SHISA9: variants seen among roughly 807,000 people sequenced by gnomAD.
SHISA9 encodes the protein protein shisa-9.
A neutral mutation model predicts 38.0 loss-of-function variants in SHISA9; 13 were observed. That is an observed-to-expected ratio of 0.34 (90% CI 0.22 to 0.54). The LOEUF is 0.54. Among genes scored for constraint, SHISA9 ranks in the 20% least tolerant of loss-of-function variants. The pLI is 0.91. For missense variants in SHISA9, 538 were observed against 575.8 expected (o/e 0.93, Z 0.67); for synonymous variants, 275 against 242.0 (o/e 1.14, Z -1.27).
the SHISA9 span, among the ~76,000 whole-genome samples, chr16:13,504,315 C>T: frequency 1.3e-5 from 2 of 152,036 alleles, no homozygotes; most frequent in African/African-American, 4.8e-5. Context: ...ACCATTTATG[C>T]GTCATTTAAC....
the SHISA9 span, among the ~76,000 whole-genome samples, chr16:13,547,620 A>G: frequency 8.4e-4 from 128 of 152,252 alleles, no homozygotes; most frequent in African/African-American, 2.9e-3. Context: ...AATGGTTTGG[A>G]TCATGCTAAC....
intron 4 of SHISA9, among the ~76,000 whole-genome samples, chr16:13,227,695 C>T (rs966418186): frequency 1.3e-5 from 2 of 152,192 alleles, no homozygotes; most frequent in Non-Finnish European, 2.9e-5. Flanking sequence ...AAAATAGGTT[C>T]AAATCCCAGC....
the SHISA9 span, among the ~76,000 whole-genome samples, chr16:13,313,091 T>TA: frequency 6.6e-6 from 1 of 150,620 alleles, no homozygotes; most frequent in East Asian, 2.0e-4. Flanking sequence ...CCGTCTCTAC[T>TA]AAAAATACAA....
At chr16:13,196,087 CAAAAA>C (rs1172680715) in intron 2 of SHISA9, among the ~76,000 whole-genome samples, 4 of 14,144 alleles carry the variant, frequency 2.8e-4, no homozygotes, top group Admixed American at 1.5e-3. Context: ...GACTCTCTCT[CAAAAA>C]AAAAAAAAAA....
In SHISA9 at chr16:12,916,435, C is replaced by T. The variant is rs977757248; in HGVS notation, c.564-253C>T. On this transcript the variant is annotated intron_variant, in intron 1 of 4. Transcript: ENST00000558583. Reference sequence around the variant, plus strand: ...CATCATTTAATCCTCTTAAAAACTCCGTGGGGTAGATAGTCCTGTTATTAC... The same window carrying T: ...CATCATTTAATCCTCTTAAAAACTCTGTGGGGTAGATAGTCCTGTTATTAC... 3.1e-4 allele frequency among the ~76,000 whole-genome samples: 47 copies of T among 152,114 alleles called. 1 individual carries two copies. The highest frequency in any genetic ancestry group is 3.0e-3 in the Admixed American group (46 of 15,260).
chr16:13,540,513 G>T, the SHISA9 span, among the ~76,000 whole-genome samples: 6 of 152,162 alleles, frequency 3.9e-5, no homozygotes, highest in African/African-American at 1.2e-4. Flanking sequence ...TAAGCTTCAG[G>T]TGCTCTCCAT....
intron 2 of SHISA9, among the ~76,000 whole-genome samples, chr16:13,117,621 A>G (rs2074043253): frequency 6.6e-6 from 1 of 152,222 alleles, no homozygotes; most frequent in African/African-American, 2.4e-5. Flanking sequence ...ATGTGACCAC[A>G]CGGCAGAGAT....
At chr16:13,491,918 C>T in the SHISA9 span, among the ~76,000 whole-genome samples, 5 of 135,848 alleles carry the variant, frequency 3.7e-5, no homozygotes, top group Non-Finnish European at 6.1e-5. Flanking sequence ...CTCAAGCAAT[C>T]CTCCTGCCTC....
At chr16:13,420,487 A>T in the SHISA9 span, among the ~76,000 whole-genome samples, 3 of 152,216 alleles carry the variant, frequency 2.0e-5, no homozygotes, top group Middle Eastern at 3.4e-3. Flanking sequence ...TTTCCTGAGG[A>T]AGGGATGTTC....
At chr16:13,472,839 A>G in the SHISA9 span, among the ~76,000 whole-genome samples, 1 of 152,084 alleles carries the variant, frequency 6.6e-6, no homozygotes, top group Admixed American at 6.5e-5. Context: ...TGTAGTTTTC[A>G]TCTTAAGAAT....
chr16:12,949,542 A>G (rs2071728478), intron 2 of SHISA9, among the ~76,000 whole-genome samples: 1 of 152,258 alleles, frequency 6.6e-6, no homozygotes, highest in Non-Finnish European at 1.5e-5. Context: ...GCTAGTCTGA[A>G]TCAAGGTGCA....
the SHISA9 span, among the ~76,000 whole-genome samples, chr16:13,379,889 C>T: frequency 6.6e-6 from 1 of 152,106 alleles, no homozygotes; most frequent in Admixed American, 6.6e-5. Flanking sequence ...TATATCATTA[C>T]AGCTAATATT....
chr16:13,133,149 C>G (rs2050319984), intron 2 of SHISA9, among the ~76,000 whole-genome samples: 1 of 152,172 alleles, frequency 6.6e-6, no homozygotes, highest in Non-Finnish European at 1.5e-5. Context: ...GAGCAGTCCC[C>G]CAGACTGGGA....
intron 2 of SHISA9, among the ~76,000 whole-genome samples, chr16:13,186,235 GTGTA>G (rs2050820767): frequency 6.7e-6 from 1 of 148,760 alleles, no homozygotes; most frequent in Non-Finnish European, 1.5e-5. Flanking sequence ...GTGTGTGTGT[GTGTA>G]TGTGTGAAAT....
the SHISA9 span, among the ~76,000 whole-genome samples, chr16:13,451,231 C>T: frequency 1.3e-5 from 2 of 152,156 alleles, no homozygotes; most frequent in East Asian, 1.9e-4. Context: ...CCAGCTGCCC[C>T]GTGGTAACTC....
At chr16:12,922,989 A>G (rs1201533028) in intron 2 of SHISA9, among the ~76,000 whole-genome samples, 2 of 151,536 alleles carry the variant, frequency 1.3e-5, no homozygotes, top group African/African-American at 4.9e-5. Flanking sequence ...GCAGCTCTAT[A>G]CATTTTATTT....
chr16:13,152,423 T>A (rs2050507496), intron 2 of SHISA9, among the ~76,000 whole-genome samples: 1 of 152,178 alleles, frequency 6.6e-6, no homozygotes, highest in African/African-American at 2.4e-5. Context: ...CTTAAACAAA[T>A]ACATGATCTA....
intron 4 of SHISA9, among the ~76,000 whole-genome samples, chr16:13,216,482 G>T (rs2051170392): frequency 6.6e-6 from 1 of 152,170 alleles, no homozygotes; most frequent in Non-Finnish European, 1.5e-5. Context: ...CAAATTAAAG[G>T]CTCTGAAAAG....
the SHISA9 span, among the ~76,000 whole-genome samples, chr16:13,344,524 A>G: frequency 6.6e-6 from 1 of 152,238 alleles, no homozygotes; most frequent in South Asian, 2.1e-4. Context: ...TAAAGATCAG[A>G]TCCTTGCAAT....
Sources: gnomAD v4.1 joint callset for allele counts (sites outside exome capture counted in the v4.1 genomes callset) on GRCh38, gnomAD v4.1.1 for gene constraint, MANE v1.5 for transcripts, NCBI Gene and HGNC (gene_info 2026-07-23, HGNC 2026-07-21) for gene names.